Variants in SMC4 observed in about 807,000 individuals in gnomAD.
SMC4 encodes structural maintenance of chromosomes protein 4.
A neutral mutation model predicts 145.6 loss-of-function variants in SMC4; 87 were observed. The ratio of observed to expected loss-of-function variants is 0.60; its 90% CI spans 0.50 to 0.71. The LOEUF (loss-of-function observed/expected upper bound fraction) is 0.71, where lower values mean the gene tolerates loss of function less well. Among genes scored for constraint, SMC4 ranks in the 30% least tolerant of loss-of-function variants. SMC4 has a pLI of 0.00. For missense variants in SMC4, 1,447 were observed against 1,537.1 expected (o/e 0.94, Z 0.98); for synonymous variants, 558 against 500.7 (o/e 1.11, Z -1.53).
intron 18 of SMC4, 30 bp downstream of exon 18, chr3:160,428,972 T>A: frequency 3.3e-6 from 5 of 1,517,540 alleles, no homozygotes; most frequent in Non-Finnish European, 4.4e-6. Flanking sequence ...CTAACTTGTT[T>A]TCCCTTTCCC....
At position 160,420,768 on chromosome 3, in the gene SMC4, A is replaced by G. The variant is rs770806972; in HGVS notation, c.1886A>G (p.Tyr629Cys). 2.4e-5 allele frequency: 38 copies of G among 1,613,828 alleles called. No individual in the cohort carries two copies. The highest frequency in any genetic ancestry group is 3.1e-5 in the Non-Finnish European group (36 of 1,179,936). ...LGDLGAIDEK[Y>C]DVAISSCCHA... is the part of the protein sequence containing the mutation. ...GACTTAGGAGCCATTGATGAAAAAT[A>G]CGACGTGGCTATATCATCCTGTTGT... Residue 629 changes from tyrosine (Y) to cysteine (C), a missense_variant, in exon 13 of 24, where the codon TAC becomes TGC. By Grantham distance (194) the Tyr-to-Cys change is radical. Transcript: ENST00000357388.
intron 5 of SMC4, among the ~76,000 whole-genome samples, chr3:160,406,672 T>C (rs1715362720): frequency 6.6e-6 from 1 of 152,180 alleles, no homozygotes; most frequent in South Asian, 2.1e-4. Context: ...AATAAACATT[T>C]ATTTTTGAGA....
intron 2 of SMC4, 44 bp from the exon 3 acceptor site, chr3:160,401,871 C>G (rs567104457): frequency 2.8e-5 from 42 of 1,507,386 alleles, no homozygotes; most frequent in Non-Finnish European, 3.5e-5. Context: ...GTAGGCTTTT[C>G]CCCCGCCGTT....
intron 6 of SMC4, 57 bp from the exon 7 acceptor site, chr3:160,412,269 A>G (rs1716079903): frequency 6.6e-7 from 1 of 1,510,262 alleles, no homozygotes; most frequent in African/African-American, 1.4e-5. Context: ...GCATATTTTA[A>G]GTTCATATTG....
chr3:160,416,307 A>C lies in SMC4; in HGVS notation c.1329A>C (p.Thr443=), dbSNP rs764221401. ...AKSNNIINET[T]TRNNALEKEK... is the part of the protein sequence containing the mutation. ...GTAACAATATCATTAATGAAACAAC[A>C]ACCAGAAACAATGCCCTCGAGAAGG... The change falls in exon 10 of 24, where the codon ACA becomes ACC. Residue 443 remains threonine, a synonymous_variant. Transcript: ENST00000357388. 5 of 1,602,760 alleles carry C rather than the reference A, an allele frequency of 3.1e-6. No individual in the cohort carries two copies. Among genetic ancestry groups the C allele is most frequent in the Non-Finnish European group, 3.4e-6 (4 of 1,175,596 alleles).
chr3:160,433,187 C>G lies in SMC4; in HGVS notation c.3692C>G (p.Ser1231Cys). 1 of 1,612,136 alleles carries G rather than the reference C, an allele frequency of 6.2e-7. No homozygotes were observed. The highest frequency in any genetic ancestry group is 8.5e-7 in the Non-Finnish European group (1 of 1,178,870). Residue 1231 changes from serine (S) to cysteine (C), a missense_variant, in exon 23 of 24, where the codon TCC (serine) becomes TGC (cysteine). Coordinates refer to ENST00000357388, the MANE Select transcript of SMC4 (RefSeq NM_001002800.3). ...IDAALDFKNV[S>C]IVAFYIYEQT... is the part of the protein sequence containing the mutation. ...GCAGCCCTTGATTTTAAAAATGTGT[C>G]CATTGTTGCATTTTATATATATGTA... is the stretch of plus-strand genomic sequence containing the variant.
chr3:160,411,004 A>G (rs114313004), intron 5 of SMC4, among the ~76,000 whole-genome samples: 4 of 152,308 alleles, frequency 2.6e-5, no homozygotes, highest in African/African-American at 9.6e-5. Flanking sequence ...AGCTACTCCT[A>G]TAACGTAGCA....
At chr3:160,429,001 G>C (rs760788817) in intron 18 of SMC4, 59 bp downstream of exon 18, 104 of 1,350,540 alleles carry the variant, frequency 7.7e-5, no homozygotes, top group Non-Finnish European at 9.9e-5. Flanking sequence ...CATTGGAAAG[G>C]GGGTTACTAT....
At chr3:160,401,357 GACCCTAACCTC>G (rs1714625913) in intron 2 of SMC4, among the ~76,000 whole-genome samples, 1 of 152,054 alleles carries the variant, frequency 6.6e-6, no homozygotes, top group Admixed American at 6.5e-5. Flanking sequence ...AAAGTTTTTT[GACCCTAACCTC>G]ACCTCCGTGG....
rs1369512495 is a variant in SMC4 at position 160,426,190 on chromosome 3, T to G, written c.2595T>G (p.Ala865=). 4 of 1,606,314 alleles carry G rather than the reference T, an allele frequency of 2.5e-6. No homozygotes were observed. The highest frequency in any genetic ancestry group is 3.4e-6 in the Non-Finnish European group (4 of 1,177,408). ...AATTGCTAGAAGAAAACGTTAGTGC[T>G]TTCAAAACAGGTATGTTTAGAGATA... ...KQKLLEENVS[A]FKTEYDAVAE... Residue 865 remains alanine (A), a synonymous_variant, in exon 17 of 24, where the codon GCT becomes GCG. Transcript: ENST00000357388.
chr3:160,424,458 C>T (rs1360787156), intron 15 of SMC4, among the ~76,000 whole-genome samples: 1 of 152,128 alleles, frequency 6.6e-6, no homozygotes, highest in Admixed American at 6.5e-5. Context: ...TGACCATCTC[C>T]TGAACTTTAA....
At chr3:160,423,999 C>G (rs1331382169) in intron 15 of SMC4, among the ~76,000 whole-genome samples, 159 bp downstream of exon 15, 2 of 151,542 alleles carry the variant, frequency 1.3e-5, no homozygotes, top group Admixed American at 1.3e-4. Flanking sequence ...TATGTAAAGC[C>G]CTTTAAAGTT....
chr3:160,428,738 A>G lies in SMC4; in HGVS notation c.2606-15A>G, dbSNP rs1576991994. 1.3e-6 allele frequency: 2 copies of G among 1,559,962 alleles called. No homozygotes were observed. The highest frequency in any genetic ancestry group is 2.4e-5 in the East Asian group (1 of 42,488). ...CATAAAAACACAAATTAGGTTCTTT[A>G]TTTTTTAATTTCAGAATATGATGCT... On this transcript the variant is annotated splice_polypyrimidine_tract_variant and intron_variant, in intron 17 of 23. Coordinates refer to ENST00000357388, the MANE Select transcript of SMC4 (RefSeq NM_001002800.3).
chr3:160,433,657 G>GAACA lies in SMC4; in HGVS notation c.3722_3725dup (p.Lys1242AsnfsTer14). The GAACA allele has an allele frequency of 6.5e-7, 1 of 1,527,222 alleles. No homozygotes were observed. The highest frequency in any genetic ancestry group is 8.8e-7 in the Non-Finnish European group (1 of 1,132,678). 94.6% of individuals were successfully genotyped at this position (1,527,222 alleles called of 1,614,324 possible). ...TTGACTTTTCTTTGTTTCTCTTTAG[G>GAACA]AACAAACAAAAAATGCACAGTTCAT... On this transcript the variant is annotated frameshift_variant and splice_region_variant, in exon 24 of 24. Transcript: ENST00000357388. LOFTEE classifies it high-confidence loss of function.
chr3:160,400,755 C>G (rs1028389955), intron 1 of SMC4, 67 bp from the exon 2 acceptor site: 2 of 1,410,274 alleles, frequency 1.4e-6, no homozygotes, highest in African/African-American at 1.5e-5. Context: ...CGAGATTTCC[C>G]CGGGTGGGGC....
At chr3:160,429,304 C>G (rs548058665) in intron 18 of SMC4, among the ~76,000 whole-genome samples, 1 of 152,012 alleles carries the variant, frequency 6.6e-6, no homozygotes, top group East Asian at 1.9e-4. Context: ...AAAATGGGAT[C>G]ACTTAGCAAA....
At chr3:160,404,152 G>C in intron 4 of SMC4, 176 bp from the exon 5 acceptor site, 1 of 568,070 alleles carries the variant, frequency 1.8e-6, no homozygotes, top group Non-Finnish European at 3.0e-6. Context: ...GCATGGAAAA[G>C]TATCAATTCT....
At chr3:160,411,370 C>G (rs1715974965) in intron 5 of SMC4, among the ~76,000 whole-genome samples, 1 of 152,050 alleles carries the variant, frequency 6.6e-6, no homozygotes, top group Non-Finnish European at 1.5e-5. Context: ...TTTTTGACTA[C>G]CTTTGAAACC....
intron 22 of SMC4, 129 bp from the exon 23 acceptor site, chr3:160,432,897 T>A (rs1157485606): frequency 1.5e-6 from 1 of 650,946 alleles, no homozygotes; most frequent in African/African-American, 1.8e-5. Flanking sequence ...GAAAAGAGAA[T>A]TCATATTTGT....
Sources: allele counts gnomAD v4.1 joint callset (sites outside exome capture counted in the v4.1 genomes callset), GRCh38; gene constraint gnomAD v4.1.1; transcripts MANE v1.5; gene names NCBI Gene and HGNC (gene_info 2026-07-23, HGNC 2026-07-21).